Variants in NDST1 observed in about 807,000 individuals in gnomAD.
The protein encoded by NDST1 is bifunctional heparan sulfate N-deacetylase/N-sulfotransferase 1.
Under a neutral mutation model 92.8 loss-of-function variants are expected in NDST1, and 35 were observed. The ratio of observed to expected loss-of-function variants is 0.38; its 90% CI spans 0.29 to 0.50. The LOEUF (loss-of-function observed/expected upper bound fraction) is 0.50, where lower values mean the gene tolerates loss of function less well. Among genes scored for constraint, NDST1 ranks in the 20% least tolerant of loss-of-function variants. The pLI is 0.94. For missense variants in NDST1, 822 were observed against 1,182.7 expected, an observed-to-expected ratio of 0.69 and a Z score of 4.47; for synonymous variants, 493 against 500.3, an observed-to-expected ratio of 0.99 and a Z score of 0.19.
At chr5:150,535,936 T>G (rs773276175) in intron 6 of NDST1, 51 bp downstream of exon 6, 28 of 1,570,216 alleles carry the variant, frequency 1.8e-5, no homozygotes, top group Non-Finnish European at 2.3e-5. Flanking sequence ...GAGCACAGTC[T>G]GTCATGTGTG....
chr5:150,536,673 C>G (rs1755004798), intron 6 of NDST1, among the ~76,000 whole-genome samples: 1 of 152,054 alleles, frequency 6.6e-6, no homozygotes, highest in African/African-American at 2.4e-5. Context: ...TCAAGCAATT[C>G]TCCTGCTTCA....
intron 4 of NDST1, among the ~76,000 whole-genome samples, chr5:150,534,302 C>A (rs867432615): frequency 2.0e-5 from 3 of 151,972 alleles, no homozygotes; most frequent in Non-Finnish European, 2.9e-5. Context: ...GGGCCTTGCA[C>A]TATGTTGCCT....
intron 1 of NDST1, among the ~76,000 whole-genome samples, chr5:150,508,509 G>A (rs12654135): frequency 0.031 from 4,707 of 152,266 alleles, 404 homozygotes; most frequent in Admixed American, 0.17. Context: ...GAGGCTGAGG[G>A]ATGGGAAGGA....
At chr5:150,528,874 G>A (rs1754591801) in intron 3 of NDST1, among the ~76,000 whole-genome samples, 1 of 152,218 alleles carries the variant, frequency 6.6e-6, no homozygotes. Context: ...TGGAGTTTAA[G>A]TTTGTATAAT....
Position 150,553,329 on chromosome 5 carries a change from G to A in NDST1, c.2646G>A (p.Arg882=). ...TACGAGAGGACCTCCAGAACACCAG[G>A]TAGCCGTGGCCACCACAGCCAGACT... ...TWLREDLQNT[R] is the part of the protein sequence containing the mutation. Residue 882 remains arginine (R), a synonymous_variant, in exon 15 of 15, where the codon AGG becomes AGA. Coordinates refer to ENST00000261797, the MANE Select transcript of NDST1 (RefSeq NM_001543.5). This position sits in a 1 kb window ranked among gnomAD's most constrained non-coding sequence, Gnocchi z 4.2. 6.2e-7 allele frequency: 1 copy of A among 1,613,036 alleles called. No individual in the cohort carries two copies. Among genetic ancestry groups the A allele is most frequent in the Non-Finnish European group, 8.5e-7 (1 of 1,179,260 alleles).
At chr5:150,538,527 G>A (rs1232455613) in intron 6 of NDST1, among the ~76,000 whole-genome samples, 2 of 152,216 alleles carry the variant, frequency 1.3e-5, no homozygotes, top group East Asian at 3.8e-4. Flanking sequence ...CCTGTGGTTA[G>A]ATGAGTTAGA....
At chr5:150,539,449 T>G in intron 7 of NDST1, 93 bp downstream of exon 7, 2 of 1,604,908 alleles carry the variant, frequency 1.2e-6, no homozygotes. Flanking sequence ...CAGGAAAGGG[T>G]GGAGAGGCAT....
At chr5:150,502,483 G>A (rs980558391) in intron 1 of NDST1, among the ~76,000 whole-genome samples, 1 of 152,228 alleles carries the variant, frequency 6.6e-6, no homozygotes, top group East Asian at 1.9e-4. Context: ...ATTAAGATTT[G>A]GGGTCAGCTG....
upstream of NDST1, among the ~76,000 whole-genome samples, chr5:150,505,029 G>C (rs572886981): frequency 1.6e-4 from 24 of 152,336 alleles, no homozygotes; most frequent in African/African-American, 5.0e-4. Flanking sequence ...AAAGGGGGAA[G>C]AAATCCCTGC....
Position 150,545,466 on chromosome 5 carries a change from C to G in NDST1, c.2125C>G (p.Arg709Gly). 1 of 1,614,236 alleles carries G rather than the reference C, an allele frequency of 6.2e-7. No homozygotes were observed. The highest frequency in any genetic ancestry group is 8.5e-7 in the Non-Finnish European group (1 of 1,180,038). ...VLTILINPADRAYSWYQHQRA... is the reference protein window; with the variant it reads ...VLTILINPADGAYSWYQHQRA... Reference sequence around the variant, plus strand: ...GACCATCCTCATCAACCCCGCGGACCGGGCCTATTCCTGGTACCAGGTGAG... The same window carrying G: ...GACCATCCTCATCAACCCCGCGGACGGGGCCTATTCCTGGTACCAGGTGAG... The change falls in exon 11 of 15, where the codon CGG (arginine) becomes GGG (glycine). Residue 709 changes from arginine to glycine, a missense_variant. Physicochemically the swap from Arg to Gly is moderately radical, Grantham distance 125. Transcript: ENST00000261797.
chr5:150,535,341 G>T, intron 5 of NDST1: 1 of 985,444 alleles, frequency 1.0e-6, no homozygotes, highest in Non-Finnish European at 1.2e-6. Flanking sequence ...GCTGGAAGAG[G>T]TGGTCAATGA....
intron 1 of NDST1, among the ~76,000 whole-genome samples, chr5:150,509,230 G>C (rs1446161055): frequency 1.3e-5 from 2 of 152,224 alleles, no homozygotes; most frequent in Non-Finnish European, 2.9e-5. Flanking sequence ...GCATGCGGGA[G>C]GGTGGGGGCT....
chr5:150,515,399 A>G (rs1310229849), intron 1 of NDST1, among the ~76,000 whole-genome samples: 8 of 152,272 alleles, frequency 5.3e-5, no homozygotes, highest in African/African-American at 1.9e-4. Flanking sequence ...CAAAGAGCAC[A>G]GTCTGCATTT....
chr5:150,520,920 G>C lies in NDST1; in HGVS notation c.-335G>C, dbSNP rs1754219304. 2.3e-5 allele frequency: 12 copies of C among 527,686 alleles called. No homozygotes were observed. Among genetic ancestry groups the C allele is most frequent in the Non-Finnish European group, 3.7e-5 (11 of 300,866 alleles). The allele number at this position is 527,686 out of a possible 1,614,324, so 32.7% of individuals were successfully genotyped here. ...AGCGGCATGCAGCACCCCCGGGCCT[G>C]TCCAGTGTCCTCTGGCCTGCTGCCC... is the stretch of plus-strand genomic sequence containing the variant. On this transcript the variant is annotated 5_prime_UTR_variant, in exon 2 of 15. Transcript: ENST00000261797.
intron 1 of NDST1, among the ~76,000 whole-genome samples, chr5:150,499,952 A>AGTTCAGATG (rs541859621): frequency 5.7e-4 from 87 of 152,318 alleles, no homozygotes; most frequent in Non-Finnish European, 1.0e-3. Context: ...GGTGTGGACC[A>AGTTCAGATG]GTTCAGATGT....
Position 150,521,293 on chromosome 5 carries a change from C to T in NDST1, c.39C>T (p.His13=), listed in dbSNP as rs777877507. 3.7e-5 allele frequency: 59 copies of T among 1,612,262 alleles called. No homozygotes were observed. The highest frequency in any genetic ancestry group is 1.6e-4 in the Middle Eastern group (1 of 6,084). ...CATGCCTCCGGAGGCTGTGTCGGCA[C>T]GTGTCCCCGCAGGCTGTCCTTTTCC... ...ALACLRRLCR[H]VSPQAVLFLL... The change falls in exon 2 of 15, where the codon CAC becomes CAT. Residue 13 remains histidine, a synonymous_variant. Transcript: ENST00000261797. This position sits in a 1 kb window ranked among gnomAD's most constrained non-coding sequence, Gnocchi z 5.9.
Position 150,556,297 on chromosome 5 carries a change from G to C in NDST1, c.*2965G>C, listed in dbSNP as rs1325341971. ...GTCATTCAGAGTTCCAGAGCCTTCT[G>C]TGGTGGAGCATCCTGCTGCTTGGAG... On this transcript the variant is annotated 3_prime_UTR_variant, in exon 15 of 15. Transcript: ENST00000261797. 6.6e-6 allele frequency: 1 copy of C among 152,172 alleles called. No individual in the cohort carries two copies. Among genetic ancestry groups the C allele is most frequent in the Non-Finnish European group, 1.5e-5 (1 of 68,066 alleles). 9.4% of individuals were successfully genotyped at this position (152,172 alleles called of 1,614,324 possible).
rs1267769566 is a variant in NDST1 at position 150,521,215 on chromosome 5, G to T, written c.-40G>T. ...TGTGTGGGGCCTTGGGGTAGCCAGGGCAGGCCGGGCCTCCGGTGGCCAAGG... is the reference window on the plus strand; with the variant it reads ...TGTGTGGGGCCTTGGGGTAGCCAGGTCAGGCCGGGCCTCCGGTGGCCAAGG... On this transcript the variant is annotated 5_prime_UTR_variant, in exon 2 of 15. Transcript: ENST00000261797. This position sits in a 1 kb window ranked among gnomAD's most constrained non-coding sequence, Gnocchi z 5.9. The T allele has an allele frequency of 6.3e-7, 1 of 1,577,336 alleles. No homozygotes were observed. The highest frequency in any genetic ancestry group is 8.6e-7 in the Non-Finnish European group (1 of 1,165,782).
intron 6 of NDST1, among the ~76,000 whole-genome samples, chr5:150,537,697 T>G (rs926466254): frequency 6.6e-6 from 1 of 152,236 alleles, no homozygotes; most frequent in Non-Finnish European, 1.5e-5. Flanking sequence ...TTTTATTACA[T>G]TGGGAAGCAT....
Sources: allele counts gnomAD v4.1 joint callset (sites outside exome capture counted in the v4.1 genomes callset), GRCh38; gene constraint gnomAD v4.1.1; non-coding constraint Gnocchi (gnomAD v3.1); transcripts MANE v1.5; gene names NCBI Gene and HGNC (gene_info 2026-07-23, HGNC 2026-07-21).